Variants in RNF130 observed in about 807,000 individuals in gnomAD.
RNF130 encodes E3 ubiquitin-protein ligase RNF130.
In RNF130, 21 loss-of-function variants were observed where a neutral mutation model predicts 44.6. The ratio of observed to expected loss-of-function variants is 0.47; its 90% CI spans 0.33 to 0.68. The LOEUF (loss-of-function observed/expected upper bound fraction) is 0.68, where lower values mean the gene tolerates loss of function less well. RNF130 is among the 30% of genes least tolerant of loss of function. The pLI is 0.02. For missense variants in RNF130, 479 were observed against 560.6 expected, an observed-to-expected ratio of 0.85 and a Z score of 1.47; for synonymous variants, 214 against 210.4, an observed-to-expected ratio of 1.02 and a Z score of -0.15.
chr5:180,071,191 T>A (rs1367370530), intron 1 of RNF130, among the ~76,000 whole-genome samples: 2 of 152,212 alleles, frequency 1.3e-5, no homozygotes, highest in Non-Finnish European at 2.9e-5. Flanking sequence ...CCTAGCTCAA[T>A]GCCCTCCAGC....
chr5:180,014,050 C>G lies in RNF130; in HGVS notation c.443-739G>C, dbSNP rs184815394. 2.6e-5 allele frequency among the ~76,000 whole-genome samples: 4 copies of G among 152,346 alleles called. No individual in the cohort carries two copies. The East Asian group carries it at 7.7e-4, about 29-fold the overall frequency. On this transcript the variant is annotated intron_variant, in intron 2 of 8. Transcript: ENST00000521389. ...AAATCAAACGTTCCAGAGACAGGTC[C>G]AGGCTTCAACATTCTGGACCAGTTT... is the stretch of plus-strand genomic sequence containing the variant.
At chr5:180,008,869 G>A (rs954131745) in intron 3 of RNF130, among the ~76,000 whole-genome samples, 1 of 151,366 alleles carries the variant, frequency 6.6e-6, no homozygotes, top group Non-Finnish European at 1.5e-5. Flanking sequence ...GGGTGACAGA[G>A]TAAGACCCTC....
At chr5:180,026,721 T>C (rs537246041) in intron 2 of RNF130, among the ~76,000 whole-genome samples, 31 of 152,330 alleles carry the variant, frequency 2.0e-4, no homozygotes, top group Admixed American at 9.8e-4. Context: ...TAAAATTAGG[T>C]ATAAAACATA....
chr5:180,059,920 G>A (rs146177315), intron 1 of RNF130, among the ~76,000 whole-genome samples: 102 of 152,264 alleles, frequency 6.7e-4, no homozygotes, highest in African/African-American at 2.4e-3. Context: ...GAACTAGGTT[G>A]CAGATGAAAC....
intron 3 of RNF130, among the ~76,000 whole-genome samples, chr5:180,000,885 AT>A (rs1270920795): frequency 1.2e-4 from 18 of 152,146 alleles, no homozygotes; most frequent in African/African-American, 4.3e-4. Context: ...GTTTTTTCCC[AT>A]TGGAGTGTGT....
chr5:180,011,472 G>GTA (rs1166648535), intron 3 of RNF130, among the ~76,000 whole-genome samples: 8 of 152,120 alleles, frequency 5.3e-5, no homozygotes, highest in Non-Finnish European at 1.0e-4. Flanking sequence ...TTTTGTTAAG[G>GTA]TATATATACA....
At chr5:180,045,473 G>T (rs989223658) in intron 1 of RNF130, among the ~76,000 whole-genome samples, 1 of 152,222 alleles carries the variant, frequency 6.6e-6, no homozygotes, top group African/African-American at 2.4e-5. Flanking sequence ...GTGAGCAGCA[G>T]CAAGATTTAT....
At chr5:180,031,932 A>G (rs1472049105) in intron 2 of RNF130, among the ~76,000 whole-genome samples, 1 of 152,232 alleles carries the variant, frequency 6.6e-6, no homozygotes, top group Non-Finnish European at 1.5e-5. Context: ...ATGACTTTTT[A>G]ATTATGATCA....
At chr5:180,061,689 A>G (rs1764990728) in intron 1 of RNF130, among the ~76,000 whole-genome samples, 1 of 152,136 alleles carries the variant, frequency 6.6e-6, no homozygotes, top group South Asian at 2.1e-4. Flanking sequence ...TTATAAGGAC[A>G]TTAGTCGTTG....
intron 5 of RNF130, among the ~76,000 whole-genome samples, chr5:179,970,960 T>C (rs1762568953): frequency 6.6e-6 from 1 of 152,234 alleles, no homozygotes; most frequent in Non-Finnish European, 1.5e-5. Context: ...TAAAACATCA[T>C]TTTTAAAAAC....
At chr5:179,998,687 T>C (rs971011717) in intron 3 of RNF130, among the ~76,000 whole-genome samples, 1 of 151,858 alleles carries the variant, frequency 6.6e-6, no homozygotes, top group Non-Finnish European at 1.5e-5. Context: ...TTTGCAGCTG[T>C]TGGATGAAAT....
intron 8 of RNF130, among the ~76,000 whole-genome samples, chr5:179,961,952 A>G (rs1762339339): frequency 6.6e-6 from 1 of 152,226 alleles, no homozygotes; most frequent in Non-Finnish European, 1.5e-5. Flanking sequence ...AGCATTTTAT[A>G]GGCTGATTCT....
At chr5:179,969,296 C>T (rs900147915) in intron 6 of RNF130, among the ~76,000 whole-genome samples, 1 of 152,002 alleles carries the variant, frequency 6.6e-6, no homozygotes, top group Non-Finnish European at 1.5e-5. Flanking sequence ...CAGCCCCTGC[C>T]AGGCTGTGGT....
intron 1 of RNF130, among the ~76,000 whole-genome samples, chr5:180,068,009 C>T (rs1765147374): frequency 6.6e-6 from 1 of 152,174 alleles, no homozygotes; most frequent in Non-Finnish European, 1.5e-5. Flanking sequence ...AGCAAGTTAG[C>T]AAAACAAGAT....
At chr5:180,069,170 A>G (rs1765185632) in intron 1 of RNF130, among the ~76,000 whole-genome samples, 1 of 152,228 alleles carries the variant, frequency 6.6e-6, no homozygotes, top group African/African-American at 2.4e-5. Flanking sequence ...ATAAACCCAT[A>G]GGTTTAGAAA....
Position 180,039,288 on chromosome 5 carries a change from G to T in RNF130, c.442+1165C>A, listed in dbSNP as rs1223914499. On this transcript the variant is annotated intron_variant, in intron 2 of 8. Transcript: ENST00000521389. ...GGAGTCTTGCTCTGTCACCTAGGCT[G>T]GAGTGCAGTGGTGTGATCTCAGCTC... Among the ~76,000 whole-genome samples the T allele has an allele frequency of 2.6e-5, 4 of 151,298 alleles. No individual in the cohort carries two copies. In the East Asian group the frequency reaches 7.8e-4, roughly 29 times the overall value.
At chr5:179,922,021 A>AAAAAAGAAAAAAAAGG (rs1761639820) in intron 7 of RNF130, among the ~76,000 whole-genome samples, 1 of 151,688 alleles carries the variant, frequency 6.6e-6, no homozygotes, top group South Asian at 2.1e-4. Flanking sequence ...ACTCCGTCTG[A>AAAAAAGAAAAAAAAGG]AAAAAGAAAA....
rs1481836138 is a variant in RNF130, at chr5:179,935,216, T to C, written c.1151-14790A>G. Among the ~76,000 whole-genome samples, 13 of 152,326 alleles carry C rather than the reference T, an allele frequency of 8.5e-5. No individual in the cohort carries two copies. The East Asian group carries it at 2.5e-3, about 29-fold the overall frequency. On this transcript the variant is annotated intron_variant, in intron 7 of 7. Transcript: ENST00000522208. ...TAATTCCGCTGGTCAGAAAACATAC[T>C]CTACAGATTTCAATCCTTAAATATT... is the stretch of plus-strand genomic sequence containing the variant.
chr5:179,930,338 G>T (rs1761791918), intron 7 of RNF130, among the ~76,000 whole-genome samples: 1 of 152,192 alleles, frequency 6.6e-6, no homozygotes, highest in African/African-American at 2.4e-5. Context: ...TTACAGGCAT[G>T]AGCCACTGCA....
Sources: gnomAD v4.1 joint callset for allele counts (sites outside exome capture counted in the v4.1 genomes callset) on GRCh38, gnomAD v4.1.1 for gene constraint, MANE v1.5 for transcripts, NCBI Gene and HGNC (gene_info 2026-07-23, HGNC 2026-07-21) for gene names.